The following SYN3 variants were observed in gnomAD, a reference collection of about 807,000 sequenced individuals.
SYN3 encodes synapsin III, also known as synapsin-3.
In SYN3, 35 loss-of-function variants were observed where a neutral mutation model predicts 65.8. The observed-to-expected ratio is 0.53, with a 90% CI of 0.41 to 0.70. The LOEUF (loss-of-function observed/expected upper bound fraction) is 0.70, where lower values mean the gene tolerates loss of function less well. SYN3 is among the 30% of genes least tolerant of loss of function. The pLI, the probability that SYN3 is intolerant of heterozygous loss-of-function variation, is 0.00. For missense variants in SYN3, 680 were observed against 749.0 expected (o/e 0.91, Z 1.08); for synonymous variants, 270 against 292.9 (o/e 0.92, Z 0.80).
chr22:32,938,897 C>T (rs967659857), intron 3 of SYN3, among the ~76,000 whole-genome samples: 16 of 141,670 alleles, frequency 1.1e-4, no homozygotes, highest in Non-Finnish European at 1.7e-4. Context: ...CACTGCACTT[C>T]GGCCTGGACA....
chr22:32,754,240 C>A (rs1262163198), intron 6 of SYN3, among the ~76,000 whole-genome samples: 3 of 152,142 alleles, frequency 2.0e-5, no homozygotes, highest in Non-Finnish European at 4.4e-5. Flanking sequence ...CAACCTCTGC[C>A]TCCCGGGTTC....
chr22:32,811,429 G>GGT (rs2046911859), intron 6 of SYN3, among the ~76,000 whole-genome samples: 1 of 152,126 alleles, frequency 6.6e-6, no homozygotes, highest in Admixed American at 6.5e-5. Flanking sequence ...CTTCACTTTC[G>GGT]GTGAGGAAAA....
At chr22:32,663,520 G>C (rs1172514760) in intron 6 of SYN3, among the ~76,000 whole-genome samples, 5 of 151,926 alleles carry the variant, frequency 3.3e-5, no homozygotes, top group South Asian at 2.1e-4. Context: ...GCATGGTCTC[G>C]ATCTCCTGAC....
At chr22:32,996,578 T>C (rs1277445529) in intron 2 of SYN3, among the ~76,000 whole-genome samples, 4 of 152,170 alleles carry the variant, frequency 2.6e-5, no homozygotes, top group Non-Finnish European at 2.9e-5. Flanking sequence ...TTGAGTATTA[T>C]CTTCTTTCCC....
At chr22:32,750,386 G>A (rs1159645555) in intron 6 of SYN3, among the ~76,000 whole-genome samples, 5 of 152,162 alleles carry the variant, frequency 3.3e-5, no homozygotes, top group Non-Finnish European at 7.3e-5. Context: ...CGAACTTGGA[G>A]CACACCTGTT....
intron 7 of SYN3, among the ~76,000 whole-genome samples, chr22:32,568,580 AT>A (rs1281668915): frequency 2.0e-5 from 3 of 152,150 alleles, no homozygotes; most frequent in Admixed American, 6.5e-5. Context: ...GCCCTGATTT[AT>A]TCCTGTAACC....
intron 7 of SYN3, among the ~76,000 whole-genome samples, 163 bp from the exon 8 acceptor site, chr22:32,541,876 G>A (rs878957400): frequency 2.6e-5 from 4 of 152,134 alleles, no homozygotes; most frequent in South Asian, 2.1e-4. Flanking sequence ...ACCACACACC[G>A]CACGAGCTGC....
intron 4 of SYN3, among the ~76,000 whole-genome samples, chr22:32,893,824 G>C (rs1023031005): frequency 1.3e-5 from 2 of 152,082 alleles, no homozygotes; most frequent in African/African-American, 4.8e-5. Flanking sequence ...GAGCTGGCCT[G>C]TCCCTTGCTG....
chr22:32,903,621 A>T (rs1274213671), intron 4 of SYN3, among the ~76,000 whole-genome samples: 1 of 152,158 alleles, frequency 6.6e-6, no homozygotes, highest in Admixed American at 6.5e-5. Flanking sequence ...CCCCTCACAG[A>T]GCTCATGGTT....
intron 6 of SYN3, among the ~76,000 whole-genome samples, chr22:32,713,452 ATGTGGGTTC>A (rs2060992282): frequency 6.6e-6 from 1 of 152,210 alleles, no homozygotes; most frequent in Non-Finnish European, 1.5e-5. Context: ...GCTGAAGATC[ATGTGGGTTC>A]TGTCTTTGGG....
chr22:32,603,442 T>C (rs2059315425), intron 6 of SYN3, among the ~76,000 whole-genome samples: 1 of 146,276 alleles, frequency 6.8e-6, no homozygotes, highest in Admixed American at 6.9e-5. Context: ...ATGGCGTCAA[T>C]CCAGGAGGTG....
intron 7 of SYN3, among the ~76,000 whole-genome samples, chr22:32,566,491 A>G (rs185223661): frequency 6.6e-6 from 1 of 152,314 alleles, no homozygotes; most frequent in Non-Finnish European, 1.5e-5. Flanking sequence ...AAAGGAGGAA[A>G]GGCAGCCAGC....
At chr22:32,716,835 T>A (rs537167506) in intron 6 of SYN3, among the ~76,000 whole-genome samples, 2 of 152,176 alleles carry the variant, frequency 1.3e-5, no homozygotes, top group East Asian at 1.9e-4. Context: ...ACCTTTTTTT[T>A]AAAGTGTGGT....
At chr22:32,902,636 C>T (rs1045768867) in intron 4 of SYN3, among the ~76,000 whole-genome samples, 2 of 152,114 alleles carry the variant, frequency 1.3e-5, no homozygotes, top group African/African-American at 4.8e-5. Flanking sequence ...TTCACACCAG[C>T]TTCTGAGAAT....
At position 32,541,672 on chromosome 22, in the gene SYN3, G is replaced by T; in HGVS notation, c.816C>A (p.Ser272Arg). 6.2e-7 allele frequency: 1 copy of T among 1,614,094 alleles called. No homozygotes were observed. ...ENQLDFQDIT[S>R]VVAMAKTYAT... Reference sequence around the variant, plus strand: ...CGTAGGTTTTGGCCATGGCGACCACGCTGGTGATGTCCTGGAAGTCAAGCT... The same window carrying T: ...CGTAGGTTTTGGCCATGGCGACCACTCTGGTGATGTCCTGGAAGTCAAGCT... Residue 272 changes from serine to arginine, a missense_variant, in exon 8 of 14, where the codon AGC (serine) becomes AGA (arginine). Transcript: ENST00000358763.
At chr22:32,764,378 C>T (rs920553650) in intron 6 of SYN3, among the ~76,000 whole-genome samples, 2 of 152,182 alleles carry the variant, frequency 1.3e-5, no homozygotes, top group Non-Finnish European at 2.9e-5. Context: ...GGATGTCACC[C>T]CCAACCCCCA....
At chr22:33,056,479 G>C (rs930956607) in intron 1 of SYN3, among the ~76,000 whole-genome samples, 1 of 152,124 alleles carries the variant, frequency 6.6e-6, no homozygotes, top group African/African-American at 2.4e-5. Flanking sequence ...TCCTGCTGAA[G>C]GGACATCCTA....
At chr22:32,724,515 A>G (rs2061163108) in intron 6 of SYN3, among the ~76,000 whole-genome samples, 1 of 152,230 alleles carries the variant, frequency 6.6e-6, no homozygotes, top group East Asian at 1.9e-4. Context: ...TGTTAATAAA[A>G]TGAGGGACAG....
At chr22:33,023,010 C>T (rs1201437279) in intron 1 of SYN3, among the ~76,000 whole-genome samples, 2 of 152,114 alleles carry the variant, frequency 1.3e-5, no homozygotes, top group African/African-American at 4.8e-5. Flanking sequence ...AATAATCATG[C>T]TGGATTGCCT....
Sources: allele counts gnomAD v4.1 joint callset (sites outside exome capture counted in the v4.1 genomes callset), GRCh38; gene constraint gnomAD v4.1.1; transcripts MANE v1.5; gene names NCBI Gene and HGNC (gene_info 2026-07-23, HGNC 2026-07-21).